The following KCNMB2 variants were observed in gnomAD, a reference collection of about 807,000 sequenced individuals.
KCNMB2 encodes potassium calcium-activated channel subfamily M regulatory beta subunit 2.
A neutral mutation model predicts 24.5 loss-of-function variants in KCNMB2; 9 were observed. The observed-to-expected ratio is 0.37, with a 90% CI of 0.22 to 0.64. The LOEUF (loss-of-function observed/expected upper bound fraction) is 0.64. Ranked by LOEUF, KCNMB2 falls within the 30% of genes least tolerant of loss-of-function variation. The pLI, the probability that KCNMB2 is intolerant of heterozygous loss-of-function variation, is 0.63. For missense variants in KCNMB2, 226 were observed against 284.3 expected, an observed-to-expected ratio of 0.79 and a Z score of 1.47; for synonymous variants, 109 against 104.4, an observed-to-expected ratio of 1.04 and a Z score of -0.27.
At chr3:178,780,855 TAAAA>T (rs1442837145) in intron 1 of KCNMB2, among the ~76,000 whole-genome samples, 1 of 152,204 alleles carries the variant, frequency 6.6e-6, no homozygotes, top group Non-Finnish European at 1.5e-5. Context: ...GCTCAATAAA[TAAAA>T]ATAGTGATTA....
At chr3:178,659,212 G>A (rs935089856) in intron 1 of KCNMB2, among the ~76,000 whole-genome samples, 1 of 152,210 alleles carries the variant, frequency 6.6e-6, no homozygotes, top group Non-Finnish European at 1.5e-5. Flanking sequence ...ACAACTGCCA[G>A]GTGAAAATCA....
At chr3:178,842,600 A>T in intron 4 of KCNMB2, 53 bp from the exon 5 acceptor site, 1 of 1,205,494 alleles carries the variant, frequency 8.3e-7, no homozygotes, top group Non-Finnish European at 1.2e-6. Context: ...CCCCTCCTAG[A>T]GTCTCAAACA....
intron 1 of KCNMB2, among the ~76,000 whole-genome samples, chr3:178,671,466 T>C (rs1460433958): frequency 1.3e-5 from 2 of 152,112 alleles, no homozygotes; most frequent in Admixed American, 1.3e-4. Flanking sequence ...TGACAGGTGC[T>C]CCCATCTGCC....
At chr3:178,654,491 A>T (rs34995602) in intron 1 of KCNMB2, among the ~76,000 whole-genome samples, 52,721 of 151,954 alleles carry the variant, frequency 0.35, 9,637 homozygotes, top group African/African-American at 0.46. Context: ...CAAAGAAATG[A>T]GGAAGAAAAT....
At chr3:178,775,012 A>G (rs1236417029) in intron 1 of KCNMB2, among the ~76,000 whole-genome samples, 2 of 152,228 alleles carry the variant, frequency 1.3e-5, no homozygotes, top group Non-Finnish European at 2.9e-5. Flanking sequence ...AAATGCAGGT[A>G]TAGATCTGCT....
chr3:178,699,163 T>C (rs1721992061), intron 1 of KCNMB2, among the ~76,000 whole-genome samples: 1 of 152,200 alleles, frequency 6.6e-6, no homozygotes, highest in South Asian at 2.1e-4. Flanking sequence ...GGCAGGATGC[T>C]GACTAGCTCA....
Position 178,767,839 on chromosome 3 carries a change from G to A in KCNMB2, c.-67-39504G>A, listed in dbSNP as rs529389259. 7.2e-5 allele frequency among the ~76,000 whole-genome samples: 11 copies of A among 152,282 alleles called. No homozygotes were observed. The East Asian group carries it at 1.9e-3, about 27-fold the overall frequency. On this transcript the variant is annotated intron_variant, in intron 1 of 4. Transcript: ENST00000452583. The stretch of plus-strand genomic sequence containing the variant: ...TACAGCCCAAGGCTGAGGGTTTTAT[G>A]TAGATTTGTGGCTCTTCAGCCATGG...
chr3:178,616,282 A>C (rs920698616), intron 1 of KCNMB2, among the ~76,000 whole-genome samples: 2 of 152,200 alleles, frequency 1.3e-5, no homozygotes, highest in East Asian at 3.9e-4. Flanking sequence ...CTTCCTTTCA[A>C]GTTTACTTGG....
At chr3:178,745,903 T>C (rs1277355433) in intron 1 of KCNMB2, among the ~76,000 whole-genome samples, 1 of 152,222 alleles carries the variant, frequency 6.6e-6, no homozygotes, top group Non-Finnish European at 1.5e-5. Context: ...CAGCTCTGCC[T>C]CTGTGGCTTT....
At chr3:178,670,139 C>G (rs1720851639) in intron 1 of KCNMB2, among the ~76,000 whole-genome samples, 1 of 152,116 alleles carries the variant, frequency 6.6e-6, no homozygotes, top group South Asian at 2.1e-4. Context: ...TCATCACTGC[C>G]AATAAATACT....
At chr3:178,719,563 T>A (rs1210803277) in intron 1 of KCNMB2, among the ~76,000 whole-genome samples, 1 of 152,204 alleles carries the variant, frequency 6.6e-6, no homozygotes, top group Non-Finnish European at 1.5e-5. Context: ...CTTTTTTTGC[T>A]TATAAAACCT....
intron 1 of KCNMB2, among the ~76,000 whole-genome samples, chr3:178,644,994 C>T (rs1452503643): frequency 1.3e-5 from 2 of 151,092 alleles, no homozygotes; most frequent in South Asian, 2.1e-4. Flanking sequence ...TTTTTTAAAA[C>T]GTTGCCTTCT....
At chr3:178,565,440 T>C (rs548707150) in intron 1 of KCNMB2, among the ~76,000 whole-genome samples, 1 of 152,288 alleles carries the variant, frequency 6.6e-6, no homozygotes, top group Admixed American at 6.5e-5. Flanking sequence ...ACAGCAGAAT[T>C]ATGTGAGAGA....
chr3:178,583,179 G>A (rs1016912667), intron 1 of KCNMB2, among the ~76,000 whole-genome samples: 3 of 152,022 alleles, frequency 2.0e-5, no homozygotes, highest in Non-Finnish European at 4.4e-5. Flanking sequence ...ACCTAGATTT[G>A]TTAATACGTA....
intron 1 of KCNMB2, among the ~76,000 whole-genome samples, chr3:178,577,753 C>T (rs749130237): frequency 1.3e-5 from 2 of 151,866 alleles, no homozygotes; most frequent in South Asian, 2.1e-4. Context: ...ATAGCCGAAT[C>T]GATTAAGCAG....
chr3:178,585,887 A>G (rs920730592), intron 1 of KCNMB2, among the ~76,000 whole-genome samples: 4 of 152,160 alleles, frequency 2.6e-5, no homozygotes, highest in African/African-American at 9.7e-5. Context: ...ATAATTTAGG[A>G]GTGATTCATT....
chr3:178,788,815 C>T (rs975546288), intron 1 of KCNMB2, among the ~76,000 whole-genome samples: 3 of 152,028 alleles, frequency 2.0e-5, no homozygotes, highest in Non-Finnish European at 4.4e-5. Context: ...TTAAAGACAC[C>T]CATCCACACT....
At chr3:178,793,517 G>GGGC (rs1041414876) in intron 1 of KCNMB2, among the ~76,000 whole-genome samples, 4 of 151,586 alleles carry the variant, frequency 2.6e-5, no homozygotes, top group Admixed American at 1.3e-4. Flanking sequence ...TTCACCCTGG[G>GGGC]GGGGTGGGCA....
chr3:178,771,966 C>T (rs769720293), intron 1 of KCNMB2, among the ~76,000 whole-genome samples: 7 of 152,112 alleles, frequency 4.6e-5, no homozygotes, highest in Non-Finnish European at 8.8e-5. Context: ...TACCTCATTG[C>T]TAAATTTCTT....
Sources: gnomAD v4.1 joint callset for allele counts (sites outside exome capture counted in the v4.1 genomes callset) on GRCh38, gnomAD v4.1.1 for gene constraint, MANE v1.5 for transcripts, NCBI Gene and HGNC (gene_info 2026-07-23, HGNC 2026-07-21) for gene names.